The following TAFA1 variants were observed in gnomAD, a reference collection of about 807,000 sequenced individuals.
The protein encoded by TAFA1 is TAFA chemokine like family member 1, also known as chemokine-like protein TAFA-1.
Under a neutral mutation model 18.5 loss-of-function variants are expected in TAFA1, and 4 were observed. The ratio of observed to expected loss-of-function variants is 0.22; its 90% CI spans 0.11 to 0.49. The LOEUF is 0.49. TAFA1 is among the 20% of genes least tolerant of loss of function. TAFA1 has a pLI of 0.98. For missense variants in TAFA1, 147 were observed against 169.0 expected, an observed-to-expected ratio of 0.87 and a Z score of 0.72; for synonymous variants, 56 against 55.2, an observed-to-expected ratio of 1.01 and a Z score of -0.06.
intron 2 of TAFA1, among the ~76,000 whole-genome samples, chr3:68,151,481 T>G (rs1352517885): frequency 6.6e-6 from 1 of 152,128 alleles, no homozygotes; most frequent in African/African-American, 2.4e-5. Flanking sequence ...GAAAAGAAAT[T>G]TCTTGCTCAC....
chr3:68,177,657 A>C (rs1464660418), intron 2 of TAFA1, among the ~76,000 whole-genome samples: 3 of 152,232 alleles, frequency 2.0e-5, no homozygotes, highest in Non-Finnish European at 4.4e-5. Flanking sequence ...GGGCTTAACT[A>C]TTAATGGTGA....
chr3:68,064,905 GA>G (rs1455514907), intron 2 of TAFA1, among the ~76,000 whole-genome samples: 4 of 151,788 alleles, frequency 2.6e-5, no homozygotes, highest in Non-Finnish European at 5.9e-5. Context: ...GCATTTTTGA[GA>G]AAAAAATAAA....
At chr3:68,535,812 C>T (rs1005525378) in intron 3 of TAFA1, among the ~76,000 whole-genome samples, 3 of 150,728 alleles carry the variant, frequency 2.0e-5, no homozygotes, top group Non-Finnish European at 4.4e-5. Context: ...TAGTTAAAAG[C>T]AGGTTTTTAA....
At chr3:68,253,568 T>C (rs1386899678) in intron 2 of TAFA1, among the ~76,000 whole-genome samples, 1 of 152,188 alleles carries the variant, frequency 6.6e-6, no homozygotes, top group Non-Finnish European at 1.5e-5. Flanking sequence ...TTAACTGTCT[T>C]ACATTAATAT....
chr3:68,479,262 ATG>A (rs71112648), intron 3 of TAFA1, among the ~76,000 whole-genome samples: 8 of 147,534 alleles, frequency 5.4e-5, no homozygotes, highest in African/African-American at 2.0e-4. Context: ...ATATATATAT[ATG>A]TCTGTACCCT....
At chr3:68,503,169 T>C (rs9819753) in intron 3 of TAFA1, among the ~76,000 whole-genome samples, 1 of 152,026 alleles carries the variant, frequency 6.6e-6, no homozygotes, top group African/African-American at 2.4e-5. Context: ...ACAACACACA[T>C]AGATTATTTA....
chr3:68,339,037 C>T (rs541255890), intron 2 of TAFA1, among the ~76,000 whole-genome samples: 2 of 152,192 alleles, frequency 1.3e-5, no homozygotes, highest in Non-Finnish European at 2.9e-5. Flanking sequence ...TGGACTAGAA[C>T]AGGCATACTG....
intron 3 of TAFA1, among the ~76,000 whole-genome samples, chr3:68,462,411 C>A (rs1267602499): frequency 1.3e-5 from 2 of 152,038 alleles, no homozygotes; most frequent in African/African-American, 2.4e-5. Context: ...TCTGCACATG[C>A]CCTCTTGCCT....
At position 68,127,861 on chromosome 3, in the gene TAFA1, G is replaced by A. The variant is rs111934635; in HGVS notation, c.118+121117G>A. ...GCTGATAGCAGTGGTGGTGGTGGTT[G>A]TGGTGATGATTATGGTGGTGGTGAT... On this transcript the variant is annotated intron_variant, in intron 2 of 4. Coordinates refer to ENST00000478136, the MANE Select transcript of TAFA1 (RefSeq NM_213609.4). Among the ~76,000 whole-genome samples, 476 of 146,988 alleles carry A rather than the reference G, an allele frequency of 3.2e-3. 5 individuals carry two copies. The highest frequency in any genetic ancestry group is 0.012 in the African/African-American group (445 of 38,094).
chr3:68,539,057 C>T (rs763225724), intron 4 of TAFA1, among the ~76,000 whole-genome samples, 177 bp downstream of exon 4: 1 of 152,178 alleles, frequency 6.6e-6, no homozygotes, highest in Non-Finnish European at 1.5e-5. Flanking sequence ...AGAGATTGAA[C>T]TTGACTTTCC....
At chr3:68,458,061 T>C (rs1175479899) in intron 3 of TAFA1, among the ~76,000 whole-genome samples, 2 of 152,190 alleles carry the variant, frequency 1.3e-5, no homozygotes, top group Non-Finnish European at 2.9e-5. Context: ...TGTTGAATTA[T>C]AGCCCCCAGT....
the TAFA1 span, among the ~76,000 whole-genome samples, chr3:67,995,661 T>A: frequency 6.6e-6 from 1 of 152,074 alleles, no homozygotes; most frequent in African/African-American, 2.4e-5. Flanking sequence ...AGGCGTACTG[T>A]CAATAGGGTG....
At chr3:68,141,659 A>C (rs746204677) in intron 2 of TAFA1, among the ~76,000 whole-genome samples, 11 of 152,196 alleles carry the variant, frequency 7.2e-5, no homozygotes, top group Non-Finnish European at 1.3e-4. Context: ...TGACAGTGAA[A>C]GGATGTAGGC....
At chr3:68,423,765 C>T (rs2071004186) in intron 3 of TAFA1, among the ~76,000 whole-genome samples, 1 of 148,340 alleles carries the variant, frequency 6.7e-6, no homozygotes, top group Non-Finnish European at 1.5e-5. Context: ...TTATCTGTTT[C>T]TAACATGGAC....
At chr3:68,142,011 C>T (rs926809455) in intron 2 of TAFA1, among the ~76,000 whole-genome samples, 2 of 152,158 alleles carry the variant, frequency 1.3e-5, no homozygotes, top group African/African-American at 2.4e-5. Context: ...CATCAGTAAT[C>T]TCTGAAGAAT....
At chr3:68,395,969 C>G (rs1321363121) in intron 2 of TAFA1, among the ~76,000 whole-genome samples, 1 of 151,654 alleles carries the variant, frequency 6.6e-6, no homozygotes, top group Non-Finnish European at 1.5e-5. Flanking sequence ...AAAATATCTA[C>G]TGGCATTCTC....
chr3:68,252,844 G>C (rs1479741523), intron 2 of TAFA1, among the ~76,000 whole-genome samples: 1 of 152,152 alleles, frequency 6.6e-6, no homozygotes, highest in Non-Finnish European at 1.5e-5. Context: ...AAGGGACCCA[G>C]TTGCAGGTAA....
chr3:68,342,061 GCTATGAATGGGTGGAAGGCTTCCACC>G (rs900215895), intron 2 of TAFA1, among the ~76,000 whole-genome samples: 1 of 152,184 alleles, frequency 6.6e-6, no homozygotes, highest in Non-Finnish European at 1.5e-5. Context: ...AGCTAGTTGA[GCTATGAATGGGTGGAAGGCTTCCACC>G]CTTTTGACCA....
chr3:68,371,338 G>A (rs1289603692), intron 2 of TAFA1, among the ~76,000 whole-genome samples: 1 of 152,056 alleles, frequency 6.6e-6, no homozygotes, highest in African/African-American at 2.4e-5. Flanking sequence ...TTTAAGCCCT[G>A]CATGCATTAG....
Sources: allele counts gnomAD v4.1 joint callset (sites outside exome capture counted in the v4.1 genomes callset), GRCh38; gene constraint gnomAD v4.1.1; transcripts MANE v1.5; gene names NCBI Gene and HGNC (gene_info 2026-07-23, HGNC 2026-07-21).